The following MROH1 variants were observed in gnomAD, a reference collection of about 807,000 sequenced individuals.
MROH1 encodes the protein maestro heat like repeat family member 1.
In MROH1, 117 loss-of-function variants were observed where a neutral mutation model predicts 116.5. The observed-to-expected ratio is 1.00, with a 90% CI of 0.86 to 1.17. The LOEUF (loss-of-function observed/expected upper bound fraction) is 1.17. MROH1 is among the 50% of genes most tolerant of loss of function. MROH1 has a pLI of 0.00. For synonymous variants in MROH1, 921 were observed against 583.9 expected, an observed-to-expected ratio of 1.58 and a Z score of -8.32; for missense variants, 1,873 against 1,338.5, an observed-to-expected ratio of 1.40 and a Z score of -6.23.
At chr8:144,259,065 G>C (rs1242205810) in intron 36 of MROH1, among the ~76,000 whole-genome samples, 151 bp downstream of exon 36, 2 of 152,154 alleles carry the variant, frequency 1.3e-5, no homozygotes, top group African/African-American at 4.8e-5. Flanking sequence ...GCAGGGGTAG[G>C]GAGGCACCCC....
At chr8:144,213,195 T>C (rs1288872411) in intron 12 of MROH1, 3 of 717,628 alleles carry the variant, frequency 4.2e-6, no homozygotes, top group Non-Finnish European at 7.8e-6. Flanking sequence ...CGACTGCCCA[T>C]GTGGCCCTCA....
At chr8:144,252,659 ACT>A (rs1427949120) in intron 33 of MROH1, 1 of 133,484 alleles carries the variant, frequency 7.5e-6, no homozygotes, top group Non-Finnish European at 1.6e-5. Context: ...CAGAGCAAGA[ACT>A]CTGTCTCAAA....
intron 13 of MROH1, among the ~76,000 whole-genome samples, chr8:144,221,329 C>T (rs9650466): frequency 0.41 from 62,464 of 152,050 alleles, 15,268 homozygotes; most frequent in East Asian, 0.72. Context: ...ACATTCTTAC[C>T]AGGCCAGATG....
intron 12 of MROH1, chr8:144,214,312 C>G (rs2132196431): frequency 6.6e-6 from 1 of 152,426 alleles, no homozygotes; most frequent in Middle Eastern, 3.4e-3. Flanking sequence ...TTCTCAGCCT[C>G]TCGTCTGCAC....
chr8:144,219,105 C>T (rs1836161945), intron 12 of MROH1, among the ~76,000 whole-genome samples: 1 of 151,376 alleles, frequency 6.6e-6, no homozygotes, highest in African/African-American at 2.4e-5. Flanking sequence ...TCACTGCAAG[C>T]TCTGCCTCCC....
At chr8:144,192,671 G>T in intron 10 of MROH1, 1 of 631,622 alleles carries the variant, frequency 1.6e-6, no homozygotes, top group African/African-American at 1.8e-5. Flanking sequence ...GCCCAGTACA[G>T]GTGGTCCCAG....
chr8:144,254,583 C>T (rs2133247609), intron 33 of MROH1: 1 of 556,016 alleles, frequency 1.8e-6, no homozygotes, highest in South Asian at 2.1e-5. Context: ...TGTGTATAGG[C>T]CCAGATTTTT....
intron 10 of MROH1, among the ~76,000 whole-genome samples, chr8:144,193,474 G>A (rs1829119290): frequency 6.6e-6 from 1 of 152,146 alleles, no homozygotes; most frequent in Non-Finnish European, 1.5e-5. Context: ...GTGAGGCCTT[G>A]GTCAAATCCC....
At position 144,250,223 on chromosome 8, in the gene MROH1, C is replaced by G. The variant is rs1378439316; in HGVS notation, c.3285C>G (p.Ile1095Met). ...GGVLQEKVPE[I>M]VSVLRSKLQE... Reference sequence around the variant, plus strand: ...CCGCCCATCTACAGGTGCCCGAGATCGTGAGCGTCCTGCGCTCCAAGCTTC... The same window carrying G: ...CCGCCCATCTACAGGTGCCCGAGATGGTGAGCGTCCTGCGCTCCAAGCTTC... The change falls in exon 33 of 44, where the codon ATC (isoleucine) becomes ATG (methionine). Residue 1095 changes from isoleucine to methionine, a missense_variant. Transcript: ENST00000326134. 1 of 767,130 alleles carries G rather than the reference C, an allele frequency of 1.3e-6. No homozygotes were observed. Among genetic ancestry groups the G allele is most frequent in the East Asian group, 2.4e-5 (1 of 41,212 alleles). The allele number at this position is 767,130 out of a possible 1,614,324, so 47.5% of individuals were successfully genotyped here. A position where few individuals can be genotyped will look rare whatever the true frequency, so the allele number is the denominator to read the frequency against.
At position 144,259,929 on chromosome 8, in the gene MROH1, G is replaced by A. The variant is rs2130028341; in HGVS notation, c.4063G>A (p.Ala1355Thr). The change falls in exon 38 of 44, where the codon GCC (alanine) becomes ACC (threonine). Residue 1355 changes from alanine to threonine, a missense_variant. Physicochemically the swap from Ala to Thr is moderately conservative, Grantham distance 58. Transcript: ENST00000326134. The stretch of plus-strand genomic sequence containing the variant: ...CCTGCAGCTGCTGAACAGCAACGTG[G>A]CCAACGACCTCATGCTCTTGGACTC... ...FLAELLNSNV[A>T]NDLMLLDSLL... The A allele has an allele frequency of 1.3e-6, 1 of 741,700 alleles. No homozygotes were observed. Among genetic ancestry groups the A allele is most frequent in the East Asian group, 2.6e-5 (1 of 38,970 alleles). 45.9% of individuals were successfully genotyped at this position (741,700 alleles called of 1,614,324 possible). A position where few individuals can be genotyped will look rare whatever the true frequency, so the allele number is the denominator to read the frequency against.
At chr8:144,222,470 G>A (rs1336953550) in intron 13 of MROH1, among the ~76,000 whole-genome samples, 1 of 152,166 alleles carries the variant, frequency 6.6e-6, no homozygotes, top group Non-Finnish European at 1.5e-5. Context: ...CACAGCTTAG[G>A]GACAGAGAAA....
rs763334486 is a variant in MROH1 at position 144,168,317 on chromosome 8, C to T, written c.45C>T (p.Asp15=). ...SMKKLASTLL[D]AITDKDPLVQ... The stretch of plus-strand genomic sequence containing the variant: ...CAGAGCTGGCCTCCACCCTGCTGGA[C>T]GCCATCACCGATAAGGACCCCCTGG... Residue 15 remains aspartate (D), a synonymous_variant, in exon 4 of 44, where the codon GAC becomes GAT. Transcript: ENST00000326134. 32 of 1,607,010 alleles carry T rather than the reference C, an allele frequency of 2.0e-5. No individual in the cohort carries two copies. The highest frequency in any genetic ancestry group is 8.9e-5 in the East Asian group (4 of 44,830).
At chr8:144,202,631 G>A (rs1481910162) in intron 12 of MROH1, among the ~76,000 whole-genome samples, 3 of 57,970 alleles carry the variant, frequency 5.2e-5, no homozygotes, top group East Asian at 1.8e-3. Flanking sequence ...GGGGTGGGGA[G>A]GGGAGCGCAG....
Position 144,244,260 on chromosome 8 carries a change from A to T in MROH1, c.2594A>T (p.Asp865Val), listed in dbSNP as rs1841506141. ...EPALDEQARA[D>V]VIHGCLHSIM... Reference sequence around the variant, plus strand: ...GCGCTGGACGAGCAGGCCCGGGCGGATGTGATCCATGGCTGCCTGCACAGC... The same window carrying T: ...GCGCTGGACGAGCAGGCCCGGGCGGTTGTGATCCATGGCTGCCTGCACAGC... Residue 865 changes from aspartate (D) to valine (V), a missense_variant, in exon 27 of 44, where the codon GAT becomes GTT. Transcript: ENST00000326134. 2 of 718,412 alleles carry T rather than the reference A, an allele frequency of 2.8e-6. No homozygotes were observed. Among genetic ancestry groups the T allele is most frequent in the African/African-American group, 1.7e-5 (1 of 57,236 alleles). The allele number at this position is 718,412 out of a possible 1,614,324, so 44.5% of individuals were successfully genotyped here.
At position 144,185,574 on chromosome 8, in the gene MROH1, G is replaced by A. The variant is rs1480796075; in HGVS notation, c.562+5051G>A. Among the ~76,000 whole-genome samples the A allele has an allele frequency of 7.1e-5, 9 of 126,288 alleles. No individual in the cohort carries two copies. In the South Asian group the frequency reaches 8.1e-4, roughly 11 times the overall value. The allele number at this position is 126,288 out of a possible 152,430, so 82.8% of individuals were successfully genotyped here. A position where few individuals can be genotyped will look rare whatever the true frequency, so the allele number is the denominator to read the frequency against. On this transcript the variant is annotated intron_variant, in intron 7 of 43. Transcript: ENST00000326134. ...GACCGTGAGAGGGGCGGTGAGGGGC[G>A]GCGCAGGGGCCTTGAGGGGATGTGA... is the stretch of plus-strand genomic sequence containing the variant.
At chr8:144,188,931 A>C (rs898600361) in intron 7 of MROH1, among the ~76,000 whole-genome samples, 12 of 152,174 alleles carry the variant, frequency 7.9e-5, no homozygotes, top group Admixed American at 2.0e-4. Flanking sequence ...AGAAGGGGAG[A>C]CTACAGCTCA....
In MROH1 at chr8:144,163,973, T is replaced by C; in HGVS notation, c.22+125T>C. The stretch of plus-strand genomic sequence containing the variant: ...AGTTTCCACCCTATACTCGGGAGCC[T>C]GAGTGGGTTCTGGGCAGGTTGGGTG... On this transcript the variant is annotated intron_variant, in intron 3 of 43. Transcript: ENST00000326134. This position sits in a 1 kb window ranked among gnomAD's most constrained non-coding sequence, Gnocchi z 4.4. 8.1e-6 allele frequency: 8 copies of C among 989,320 alleles called. No homozygotes were observed. The highest frequency in any genetic ancestry group is 1.2e-5 in the Non-Finnish European group (8 of 672,760). The allele number at this position is 989,320 out of a possible 1,614,324, so 61.3% of individuals were successfully genotyped here.
intron 35 of MROH1, among the ~76,000 whole-genome samples, chr8:144,256,122 G>A (rs953309334): frequency 2.2e-4 from 33 of 152,204 alleles, no homozygotes; most frequent in Non-Finnish European, 3.4e-4. Flanking sequence ...CCTTTGGCAC[G>A]TGTTCACAGC....
intron 14 of MROH1, among the ~76,000 whole-genome samples, chr8:144,225,439 G>A (rs1837605716): frequency 6.6e-6 from 1 of 152,192 alleles, no homozygotes; most frequent in South Asian, 2.1e-4. Flanking sequence ...AAAGTGCTGG[G>A]ATTATACGTA....
Sources: gnomAD v4.1 joint callset for allele counts (sites outside exome capture counted in the v4.1 genomes callset) on GRCh38, gnomAD v4.1.1 for gene constraint, Gnocchi (gnomAD v3.1) non-coding constraint, MANE v1.5 for transcripts, NCBI Gene and HGNC (gene_info 2026-07-23, HGNC 2026-07-21) for gene names.